Variants in KCNIP4 observed in about 807,000 individuals in gnomAD.
KCNIP4 encodes the protein potassium voltage-gated channel interacting protein 4.
A neutral mutation model predicts 34.0 loss-of-function variants in KCNIP4; 12 were observed. That is an observed-to-expected ratio of 0.35 (90% CI 0.23 to 0.57). The LOEUF (loss-of-function observed/expected upper bound fraction) is 0.57, where lower values mean the gene tolerates loss of function less well. Among genes scored for constraint, KCNIP4 ranks in the 20% least tolerant of loss-of-function variants. KCNIP4 has a pLI of 0.83. For missense variants in KCNIP4, 238 were observed against 311.7 expected, an observed-to-expected ratio of 0.76 and a Z score of 1.78; for synonymous variants, 124 against 102.2, an observed-to-expected ratio of 1.21 and a Z score of -1.29.
chr4:21,501,986 TGCACAC>T (rs1400423573), intron 1 of KCNIP4, among the ~76,000 whole-genome samples: 3 of 102,326 alleles, frequency 2.9e-5, no homozygotes, highest in African/African-American at 1.3e-4. Context: ...CTCTCTCTCA[TGCACAC>T]GCACACACAC....
chr4:20,904,304 A>T (rs971178667), intron 1 of KCNIP4, among the ~76,000 whole-genome samples: 2 of 147,902 alleles, frequency 1.4e-5, no homozygotes, highest in Non-Finnish European at 3.0e-5. Flanking sequence ...CAATAATTTA[A>T]AACTATATAT....
At chr4:21,310,530 T>C (rs1468373309) in intron 1 of KCNIP4, among the ~76,000 whole-genome samples, 2 of 152,158 alleles carry the variant, frequency 1.3e-5, no homozygotes, top group Non-Finnish European at 2.9e-5. Flanking sequence ...GGCTGAATCT[T>C]AGGATTGAGT....
At chr4:21,271,829 C>T (rs1372107727) in intron 1 of KCNIP4, among the ~76,000 whole-genome samples, 1 of 152,098 alleles carries the variant, frequency 6.6e-6, no homozygotes. Flanking sequence ...GCTGGTTTGG[C>T]AGTGATTTAT....
At chr4:21,580,213 C>A (rs184092606) in intron 1 of KCNIP4, among the ~76,000 whole-genome samples, 2 of 152,036 alleles carry the variant, frequency 1.3e-5, no homozygotes, top group Non-Finnish European at 2.9e-5. Context: ...TGAGCCATGA[C>A]CTTGAGCCAG....
chr4:20,855,741 A>G (rs1223601674), intron 2 of KCNIP4, among the ~76,000 whole-genome samples: 1 of 152,174 alleles, frequency 6.6e-6, no homozygotes, highest in Non-Finnish European at 1.5e-5. Context: ...AGATGAAAAC[A>G]AACATTTGCT....
intron 1 of KCNIP4, among the ~76,000 whole-genome samples, chr4:21,247,980 T>C (rs1344291554): frequency 9.2e-6 from 1 of 109,198 alleles, no homozygotes; most frequent in East Asian, 2.4e-4. Context: ...CACATATATA[T>C]ATACACACAC....
At chr4:20,861,970 G>GTTATTATTATTATTATTA (rs57269885) in intron 2 of KCNIP4, among the ~76,000 whole-genome samples, 3 of 142,110 alleles carry the variant, frequency 2.1e-5, no homozygotes, top group Admixed American at 7.2e-5. Flanking sequence ...TATGGTAGGA[G>GTTATTATTATTATTATTA]TTATTATTAT....
chr4:20,890,180 A>G (rs1725779558), intron 1 of KCNIP4, among the ~76,000 whole-genome samples: 1 of 152,234 alleles, frequency 6.6e-6, no homozygotes, highest in East Asian at 1.9e-4. Context: ...GATGCTGGCA[A>G]TAATGCACCG....
intron 1 of KCNIP4, among the ~76,000 whole-genome samples, chr4:20,934,028 G>A (rs1730780512): frequency 6.6e-6 from 1 of 152,132 alleles, no homozygotes; most frequent in Non-Finnish European, 1.5e-5. Context: ...TCAGAAGCAG[G>A]TACTTTATTC....
At chr4:21,747,765 C>A (rs1185928432) in intron 1 of KCNIP4, among the ~76,000 whole-genome samples, 1 of 152,076 alleles carries the variant, frequency 6.6e-6, no homozygotes, top group Non-Finnish European at 1.5e-5. Context: ...AAAACTCACA[C>A]CCACCTGGAA....
intron 1 of KCNIP4, among the ~76,000 whole-genome samples, chr4:21,545,743 C>G (rs1360174850): frequency 6.6e-6 from 1 of 152,158 alleles, no homozygotes; most frequent in Non-Finnish European, 1.5e-5. Flanking sequence ...CATAGTATTC[C>G]ATGGTGTATA....
chr4:21,584,621 A>T (rs1741477299), intron 1 of KCNIP4, among the ~76,000 whole-genome samples: 1 of 152,124 alleles, frequency 6.6e-6, no homozygotes, highest in South Asian at 2.1e-4. Flanking sequence ...AGCTGGCATT[A>T]TTCCCCCTTT....
chr4:21,233,168 T>A (rs1412873346), intron 1 of KCNIP4, among the ~76,000 whole-genome samples: 1 of 152,026 alleles, frequency 6.6e-6, no homozygotes, highest in Non-Finnish European at 1.5e-5. Context: ...TAAGCAAAGA[T>A]CAAGTAAGAC....
intron 1 of KCNIP4, chr4:21,608,994 C>A (rs1197365578): frequency 6.6e-6 from 1 of 152,026 alleles, no homozygotes; most frequent in Non-Finnish European, 1.5e-5. Flanking sequence ...CACTGACCAG[C>A]CAAAGGTGAT....
chr4:21,346,546 C>G lies in KCNIP4; in HGVS notation c.62-463837G>C, dbSNP rs28445354. Among the ~76,000 whole-genome samples, 1,402 of 151,640 alleles carry G rather than the reference C, an allele frequency of 9.2e-3. 19 individuals are homozygous for G. The highest frequency in any genetic ancestry group is 0.032 in the African/African-American group (1,319 of 41,350). The stretch of plus-strand genomic sequence containing the variant: ...TTGTAAGCTGGGCTAAAGTCTAAAG[C>G]ACAGTGCCTTAATGTGGAAAACTTA... On this transcript the variant is annotated intron_variant, in intron 1 of 8. Transcript: ENST00000382152.
intron 1 of KCNIP4, among the ~76,000 whole-genome samples, chr4:21,649,873 G>C (rs1747340548): frequency 6.6e-6 from 1 of 152,148 alleles, no homozygotes; most frequent in Admixed American, 6.5e-5. Flanking sequence ...AGTGTGAATG[G>C]GCAAAAGCAA....
At chr4:21,122,002 G>A (rs770853727) in intron 1 of KCNIP4, among the ~76,000 whole-genome samples, 4 of 152,182 alleles carry the variant, frequency 2.6e-5, no homozygotes, top group Non-Finnish European at 4.4e-5. Flanking sequence ...CTCTGATAAT[G>A]AGTTAGGAGC....
intron 1 of KCNIP4, among the ~76,000 whole-genome samples, chr4:21,255,274 A>T (rs1477451292): frequency 2.4e-5 from 2 of 82,336 alleles, no homozygotes; most frequent in East Asian, 4.8e-4. Context: ...TTGATTAAAC[A>T]TGCTTAAATT....
At chr4:20,835,124 T>C (rs544087474) in intron 3 of KCNIP4, among the ~76,000 whole-genome samples, 1 of 152,316 alleles carries the variant, frequency 6.6e-6, no homozygotes, top group African/African-American at 2.4e-5. Flanking sequence ...TTATCTTGCT[T>C]GTCTGCTTAG....
Sources: gnomAD v4.1 joint callset for allele counts (sites outside exome capture counted in the v4.1 genomes callset) on GRCh38, gnomAD v4.1.1 for gene constraint, MANE v1.5 for transcripts, NCBI Gene and HGNC (gene_info 2026-07-23, HGNC 2026-07-21) for gene names.